GALNTL6: variants seen among roughly 807,000 people sequenced by gnomAD.
GALNTL6 encodes polypeptide N-acetylgalactosaminyltransferase like 6, also known as polypeptide N-acetylgalactosaminyltransferase-like 6.
Under a neutral mutation model 73.7 loss-of-function variants are expected in GALNTL6, and 46 were observed. The ratio of observed to expected loss-of-function variants is 0.62; its 90% CI spans 0.49 to 0.80. The LOEUF (loss-of-function observed/expected upper bound fraction) is 0.80. Ranked by LOEUF, GALNTL6 falls within the 30% of genes least tolerant of loss-of-function variation. GALNTL6 has a pLI of 0.00. For synonymous variants in GALNTL6, 259 were observed against 263.7 expected, an observed-to-expected ratio of 0.98 and a Z score of 0.17; for missense variants, 604 against 755.0, an observed-to-expected ratio of 0.80 and a Z score of 2.34.
intron 5 of GALNTL6, among the ~76,000 whole-genome samples, chr4:172,557,222 C>T (rs577058808): frequency 6.6e-6 from 1 of 152,212 alleles, no homozygotes; most frequent in South Asian, 2.1e-4. Context: ...AGTCATTTAA[C>T]CATCACGTAC....
chr4:172,388,436 G>A (rs533188945), intron 5 of GALNTL6, among the ~76,000 whole-genome samples: 3 of 152,196 alleles, frequency 2.0e-5, no homozygotes, highest in Non-Finnish European at 4.4e-5. Context: ...TTACATATAT[G>A]CCACAGAAAG....
At chr4:171,953,124 C>T (rs1177559745) in intron 2 of GALNTL6, among the ~76,000 whole-genome samples, 1 of 151,730 alleles carries the variant, frequency 6.6e-6, no homozygotes, top group Non-Finnish European at 1.5e-5. Context: ...AAAAAAAGGG[C>T]TAAAAAATTA....
chr4:172,282,968 C>A lies in GALNTL6; in HGVS notation c.248-28646C>A, dbSNP rs75247747. On this transcript the variant is annotated intron_variant, in intron 3 of 12. Transcript: ENST00000506823. Reference sequence around the variant, plus strand: ...TTAAGTGAACTTCTAGGAGGTTTTGCCTTTCTACTTTGACAGATTGAATTT... The same window carrying A: ...TTAAGTGAACTTCTAGGAGGTTTTGACTTTCTACTTTGACAGATTGAATTT... Among the ~76,000 whole-genome samples, 275 of 152,224 alleles carry A rather than the reference C, an allele frequency of 1.8e-3. 1 individual carries two copies. The highest frequency in any genetic ancestry group is 6.4e-3 in the African/African-American group (264 of 41,548).
At chr4:172,666,639 C>T (rs756097386) in intron 5 of GALNTL6, 7 of 152,168 alleles carry the variant, frequency 4.6e-5, no homozygotes, top group African/African-American at 7.2e-5. Flanking sequence ...TAATTCTCCT[C>T]ATTTTTCTTT....
intron 5 of GALNTL6, among the ~76,000 whole-genome samples, chr4:172,397,989 T>A (rs1056585540): frequency 2.0e-5 from 3 of 152,202 alleles, no homozygotes; most frequent in African/African-American, 7.2e-5. Context: ...GGATTCTTTA[T>A]TATTCTTAAC....
At chr4:172,380,095 G>C (rs948664842) in intron 5 of GALNTL6, 3 of 974,680 alleles carry the variant, frequency 3.1e-6, no homozygotes, top group Non-Finnish European at 5.0e-6. Context: ...GGCTTCGTTG[G>C]TGTTTCCACT....
intron 5 of GALNTL6, among the ~76,000 whole-genome samples, chr4:172,583,893 C>CAAAAA (rs57722016): frequency 9.5e-5 from 3 of 31,620 alleles, no homozygotes; most frequent in African/African-American, 1.7e-4. Context: ...GACTCTGTCT[C>CAAAAA]AAAAAAAAAA....
intron 5 of GALNTL6, among the ~76,000 whole-genome samples, chr4:172,710,241 C>A (rs890908202): frequency 2.0e-5 from 3 of 151,992 alleles, no homozygotes; most frequent in African/African-American, 4.8e-5. Flanking sequence ...CAAACTGGAA[C>A]AACATTCTAA....
At chr4:172,041,985 G>A (rs978905573) in intron 2 of GALNTL6, among the ~76,000 whole-genome samples, 3 of 152,052 alleles carry the variant, frequency 2.0e-5, no homozygotes, top group African/African-American at 7.2e-5. Flanking sequence ...CTATTGTACT[G>A]TAAAAAGCCA....
chr4:172,223,756 C>G (rs1312049510), intron 2 of GALNTL6, among the ~76,000 whole-genome samples: 1 of 152,078 alleles, frequency 6.6e-6, no homozygotes, highest in African/African-American at 2.4e-5. Flanking sequence ...TCTTGAAGAA[C>G]TTATTAATGA....
At chr4:172,547,113 G>A (rs1347203155) in intron 5 of GALNTL6, among the ~76,000 whole-genome samples, 2 of 151,958 alleles carry the variant, frequency 1.3e-5, no homozygotes, top group Non-Finnish European at 2.9e-5. Flanking sequence ...GTGAACACTA[G>A]TGGTTTATTT....
intron 5 of GALNTL6, among the ~76,000 whole-genome samples, chr4:172,673,076 C>G (rs1237183062): frequency 3.9e-5 from 6 of 152,036 alleles, no homozygotes; most frequent in African/African-American, 1.4e-4. Flanking sequence ...TTTGTTTGCT[C>G]TTGATTCTCT....
chr4:172,645,166 G>A (rs1052393543), intron 5 of GALNTL6, among the ~76,000 whole-genome samples: 11 of 151,738 alleles, frequency 7.2e-5, no homozygotes, highest in African/African-American at 2.7e-4. Flanking sequence ...TATTATAATA[G>A]TGTCTTCTGA....
At chr4:172,802,940 T>C (rs954830154) in intron 5 of GALNTL6, among the ~76,000 whole-genome samples, 7 of 152,214 alleles carry the variant, frequency 4.6e-5, no homozygotes, top group Admixed American at 1.3e-4. Flanking sequence ...TTAGAAGAAG[T>C]TAATGACTTA....
intron 2 of GALNTL6, among the ~76,000 whole-genome samples, chr4:171,873,640 A>G (rs1010883553): frequency 9.2e-5 from 14 of 152,316 alleles, no homozygotes; most frequent in African/African-American, 3.4e-4. Context: ...AAACTTTATA[A>G]TAGTGATTTA....
chr4:172,512,602 A>G (rs982863308), intron 5 of GALNTL6, among the ~76,000 whole-genome samples: 4 of 151,992 alleles, frequency 2.6e-5, no homozygotes, highest in Admixed American at 2.6e-4. Flanking sequence ...CAAGATGTAG[A>G]GCTCCTTTTT....
chr4:172,926,486 A>G (rs905533546), intron 8 of GALNTL6, among the ~76,000 whole-genome samples: 5 of 152,142 alleles, frequency 3.3e-5, no homozygotes, highest in Non-Finnish European at 7.3e-5. Flanking sequence ...ACAAGATAAC[A>G]TTAAGTGAAG....
At chr4:172,459,946 G>A (rs532347196) in intron 5 of GALNTL6, among the ~76,000 whole-genome samples, 22 of 152,216 alleles carry the variant, frequency 1.4e-4, no homozygotes, top group Non-Finnish European at 2.4e-4. Flanking sequence ...GAGGCATCAC[G>A]CTACCTGACT....
intron 2 of GALNTL6, among the ~76,000 whole-genome samples, chr4:172,206,064 G>A (rs1432483406): frequency 6.6e-6 from 1 of 151,652 alleles, no homozygotes; most frequent in Admixed American, 6.6e-5. Flanking sequence ...ATATATATAT[G>A]TTTAGCTGTA....
Sources: allele counts gnomAD v4.1 joint callset (sites outside exome capture counted in the v4.1 genomes callset), GRCh38; gene constraint gnomAD v4.1.1; transcripts MANE v1.5; gene names NCBI Gene and HGNC (gene_info 2026-07-23, HGNC 2026-07-21).